GJB7: variants seen among roughly 807,000 people sequenced by gnomAD.
GJB7 encodes gap junction protein beta 7.
For synonymous variants in GJB7, 87 were observed against 95.2 expected, an observed-to-expected ratio of 0.91 and a Z score of 0.50; for missense variants, 253 against 256.8, an observed-to-expected ratio of 0.99 and a Z score of 0.10.
intron 2 of GJB7, among the ~76,000 whole-genome samples, chr6:87,310,138 C>A (rs1247394419): frequency 6.6e-6 from 1 of 151,798 alleles, no homozygotes; most frequent in Non-Finnish European, 1.5e-5. Context: ...CTAACTCACA[C>A]GATACACAAA....
intron 2 of GJB7, among the ~76,000 whole-genome samples, chr6:87,285,920 A>G (rs909502313): frequency 2.0e-5 from 3 of 152,182 alleles, no homozygotes; most frequent in African/African-American, 7.2e-5. Context: ...TCTTCTGGAC[A>G]CTTGGATTTT....
chr6:87,324,048 G>T (rs1461636102), intron 1 of GJB7, among the ~76,000 whole-genome samples: 5 of 149,962 alleles, frequency 3.3e-5, no homozygotes, highest in Admixed American at 6.6e-5. Context: ...TTTTTCATGT[G>T]TGTTTTGGCT....
At chr6:87,288,809 T>G (rs1432959854) in intron 2 of GJB7, among the ~76,000 whole-genome samples, 4 of 152,198 alleles carry the variant, frequency 2.6e-5, no homozygotes, top group Admixed American at 2.0e-4. Context: ...AACTTTTCAC[T>G]CTTTTCATCT....
chr6:87,294,411 C>A (rs1259938663), intron 2 of GJB7, among the ~76,000 whole-genome samples: 4 of 152,176 alleles, frequency 2.6e-5, no homozygotes, highest in Non-Finnish European at 4.4e-5. Context: ...TCGAGAAAGA[C>A]CACAGAGTTG....
intron 2 of GJB7, among the ~76,000 whole-genome samples, chr6:87,286,916 C>T (rs1281191943): frequency 6.6e-6 from 1 of 152,212 alleles, no homozygotes; most frequent in East Asian, 1.9e-4. Context: ...CATTAACTGA[C>T]AGCAAGGTTT....
intron 2 of GJB7, among the ~76,000 whole-genome samples, chr6:87,316,559 T>C (rs1776587460): frequency 6.6e-6 from 1 of 152,200 alleles, no homozygotes; most frequent in Non-Finnish European, 1.5e-5. Flanking sequence ...AGATGTATAT[T>C]TTAGAAAGGA....
intron 2 of GJB7, among the ~76,000 whole-genome samples, chr6:87,292,271 G>A (rs1278109987): frequency 6.6e-6 from 1 of 152,140 alleles, no homozygotes; most frequent in Non-Finnish European, 1.5e-5. Flanking sequence ...ATGAGAGTGT[G>A]TTTCATCTCT....
intron 2 of GJB7, among the ~76,000 whole-genome samples, chr6:87,307,561 C>A (rs1041458438): frequency 6.6e-6 from 1 of 152,090 alleles, no homozygotes; most frequent in Non-Finnish European, 1.5e-5. Flanking sequence ...AAAAAGTGGG[C>A]AAAAGATATG....
At chr6:87,299,961 C>G in intron 2 of GJB7, 1 of 325,834 alleles carries the variant, frequency 3.1e-6, no homozygotes, top group Non-Finnish European at 6.1e-6. Flanking sequence ...GATGGAGTAG[C>G]AGTGCTGAAG....
intron 2 of GJB7, among the ~76,000 whole-genome samples, chr6:87,295,002 T>C (rs1269831524): frequency 6.6e-6 from 1 of 152,216 alleles, no homozygotes; most frequent in African/African-American, 2.4e-5. Context: ...AAAGCATTCC[T>C]TGCTTCACAG....
intron 2 of GJB7, among the ~76,000 whole-genome samples, chr6:87,305,895 T>C (rs1260946801): frequency 1.3e-5 from 2 of 152,176 alleles, no homozygotes; most frequent in African/African-American, 4.8e-5. Flanking sequence ...CATCTGATCT[T>C]TGACAAATCT....
chr6:87,317,648 C>G (rs1326679920), intron 2 of GJB7, among the ~76,000 whole-genome samples: 1 of 152,138 alleles, frequency 6.6e-6, no homozygotes, highest in Non-Finnish European at 1.5e-5. Context: ...CCAGGCTGGT[C>G]TTGAACTCCT....
chr6:87,317,678 G>C (rs1049389379), intron 2 of GJB7, among the ~76,000 whole-genome samples: 1 of 152,018 alleles, frequency 6.6e-6, no homozygotes, highest in Non-Finnish European at 1.5e-5. Context: ...TGATCTGCCC[G>C]CCTCAGCCTC....
intron 2 of GJB7, among the ~76,000 whole-genome samples, chr6:87,317,854 C>T (rs186335563): frequency 6.6e-6 from 1 of 150,670 alleles, no homozygotes; most frequent in East Asian, 1.9e-4. Context: ...TAACCTGAGC[C>T]TAACTACACT....
At chr6:87,328,195 T>C (rs978891454) in intron 1 of GJB7, among the ~76,000 whole-genome samples, 1 of 152,206 alleles carries the variant, frequency 6.6e-6, no homozygotes, top group African/African-American at 2.4e-5. Context: ...TTGCCTTTGG[T>C]TTGAATTTCC....
chr6:87,320,276 A>C (rs772957780), intron 2 of GJB7, among the ~76,000 whole-genome samples: 7 of 152,176 alleles, frequency 4.6e-5, no homozygotes, highest in Non-Finnish European at 1.0e-4. Flanking sequence ...TATCTCATGT[A>C]CCCCATAAAT....
At chr6:87,310,386 G>A (rs1776498241) in intron 2 of GJB7, among the ~76,000 whole-genome samples, 1 of 152,120 alleles carries the variant, frequency 6.6e-6, no homozygotes, top group Non-Finnish European at 1.5e-5. Flanking sequence ...ACACCATCAA[G>A]AGAGTAAAAA....
chr6:87,301,743 C>G (rs535222293), intron 2 of GJB7, among the ~76,000 whole-genome samples: 78 of 152,324 alleles, frequency 5.1e-4, no homozygotes, highest in African/African-American at 1.8e-3. Context: ...CAAGTGGGAC[C>G]CTGACCCCGG....
chr6:87,315,954 C>T (rs1341303535), intron 2 of GJB7, among the ~76,000 whole-genome samples: 2 of 152,108 alleles, frequency 1.3e-5, no homozygotes. Context: ...TCCTTTTGAA[C>T]TTGAGTTAGT....
Sources: allele counts gnomAD v4.1 joint callset (sites outside exome capture counted in the v4.1 genomes callset), GRCh38; gene constraint gnomAD v4.1.1; transcripts MANE v1.5; gene names NCBI Gene and HGNC (gene_info 2026-07-23, HGNC 2026-07-21).